Variants in VAT1L observed in about 807,000 individuals in gnomAD.
The protein encoded by VAT1L is vesicle amine transport 1 like, also known as putative NADPH-dependent quinone oxidoreductase VAT1L.
A neutral mutation model predicts 44.1 loss-of-function variants in VAT1L; 34 were observed. The ratio of observed to expected loss-of-function variants is 0.77; its 90% CI spans 0.59 to 1.03. The LOEUF (loss-of-function observed/expected upper bound fraction) is 1.03. Ranked by LOEUF, VAT1L falls within the 50% of genes least tolerant of loss-of-function variation. The probability of loss-of-function intolerance (pLI) is 0.00; values close to 1 mark genes in which losing one functional copy is unlikely to be tolerated. For synonymous variants in VAT1L, 253 were observed against 202.2 expected, an observed-to-expected ratio of 1.25 and a Z score of -2.13; for missense variants, 615 against 538.8, an observed-to-expected ratio of 1.14 and a Z score of -1.40.
intron 3 of VAT1L, among the ~76,000 whole-genome samples, chr16:77,840,353 A>G (rs1258928387): frequency 1.3e-5 from 2 of 152,326 alleles, no homozygotes; most frequent in East Asian, 3.9e-4. Context: ...AACCAAACCT[A>G]TGACCTCTTC....
At chr16:77,850,360 C>G (rs191037675) in intron 3 of VAT1L, among the ~76,000 whole-genome samples, 283 of 152,278 alleles carry the variant, frequency 1.9e-3, no homozygotes, top group Non-Finnish European at 2.4e-3. Flanking sequence ...TTCAGAGTAA[C>G]CAGGTCAAGT....
intron 1 of VAT1L, among the ~76,000 whole-genome samples, chr16:77,796,272 T>C (rs1188498961): frequency 6.6e-6 from 1 of 152,320 alleles, no homozygotes; most frequent in South Asian, 2.1e-4. Flanking sequence ...GTCAGGTAGC[T>C]GATGATGGGC....
intron 4 of VAT1L, among the ~76,000 whole-genome samples, chr16:77,870,425 A>T (rs438362): frequency 0.98 from 149,130 of 152,314 alleles, 73,100 homozygotes; most frequent in East Asian, 1. Flanking sequence ...AAAGAGGAAT[A>T]CTTTTCTTGG....
At chr16:77,875,997 C>G (rs2017083534) in intron 4 of VAT1L, among the ~76,000 whole-genome samples, 1 of 152,202 alleles carries the variant, frequency 6.6e-6, no homozygotes, top group African/African-American at 2.4e-5. Context: ...TTTGTTGCGT[C>G]ATTTCATTCT....
chr16:77,818,441 G>T (rs1275931384), intron 2 of VAT1L, among the ~76,000 whole-genome samples: 20 of 152,100 alleles, frequency 1.3e-4, no homozygotes, highest in Admixed American at 1.3e-3. Flanking sequence ...CCCCAGGTAA[G>T]CAGTGTAACC....
chr16:77,824,862 CTTTTTT>C (rs756573336), intron 2 of VAT1L, among the ~76,000 whole-genome samples: 49 of 75,498 alleles, frequency 6.5e-4, no homozygotes, highest in Non-Finnish European at 7.5e-4. Flanking sequence ...CCCAATAATG[CTTTTTT>C]TTTTTTTTTT....
chr16:77,953,323 A>G (rs1438586382), intron 7 of VAT1L, among the ~76,000 whole-genome samples: 1 of 152,198 alleles, frequency 6.6e-6, no homozygotes, highest in Non-Finnish European at 1.5e-5. Flanking sequence ...AACCCTAGGA[A>G]ACTAATATAC....
chr16:77,837,818 T>C (rs1334961081), intron 3 of VAT1L, among the ~76,000 whole-genome samples: 1 of 152,202 alleles, frequency 6.6e-6, no homozygotes, highest in African/African-American at 2.4e-5. Context: ...AAGGGGGTCT[T>C]GTAATGGACT....
intron 3 of VAT1L, among the ~76,000 whole-genome samples, chr16:77,833,245 C>A (rs10514429): frequency 6.6e-6 from 1 of 152,078 alleles, no homozygotes. Context: ...CATTGATGGG[C>A]GTATAAATCA....
intron 7 of VAT1L, among the ~76,000 whole-genome samples, chr16:77,939,905 T>C (rs1430620003): frequency 6.6e-6 from 1 of 152,128 alleles, no homozygotes; most frequent in Non-Finnish European, 1.5e-5. Context: ...TTAGTCTGCT[T>C]TATATACAAT....
At chr16:77,931,844 G>A (rs1012298059) in intron 7 of VAT1L, among the ~76,000 whole-genome samples, 3 of 152,142 alleles carry the variant, frequency 2.0e-5, no homozygotes, top group African/African-American at 7.2e-5. Context: ...AGTGTTAGGG[G>A]AAAATCACCT....
In VAT1L at chr16:77,904,628, T is replaced by C. The variant is rs559045230; in HGVS notation, c.1077+19826T>C. Among the ~76,000 whole-genome samples the C allele has an allele frequency of 8.8e-4, 134 of 152,298 alleles. 1 individual carries two copies. The highest frequency in any genetic ancestry group is 6.8e-3 in the Middle Eastern group (2 of 294). ...CCTCCATCTCCAAATACTCTAACCA[T>C]TGCATTGGGGTTCAGGGCTTAAACG... On this transcript the variant is annotated intron_variant, in intron 7 of 8. Transcript: ENST00000302536.
At chr16:77,795,964 T>G (rs1267065870) in intron 1 of VAT1L, among the ~76,000 whole-genome samples, 1 of 151,966 alleles carries the variant, frequency 6.6e-6, no homozygotes, top group African/African-American at 2.4e-5. Flanking sequence ...TAGCTGGGAT[T>G]ACAGGTGCCT....
rs930201295 is a variant in VAT1L, at chr16:77,979,828, C to T, written c.*2133C>T. On this transcript the variant is annotated 3_prime_UTR_variant, in exon 9 of 9. Transcript: ENST00000302536. Reference sequence around the variant, plus strand: ...TTTGACCAATAAGACCAATTTCTGCCATGAAGAACCGGGGGACGCAAGTTA... The same window carrying T: ...TTTGACCAATAAGACCAATTTCTGCTATGAAGAACCGGGGGACGCAAGTTA... The T allele has an allele frequency of 6.6e-6, 1 of 152,578 alleles. No individual in the cohort carries two copies. The highest frequency in any genetic ancestry group is 2.4e-5 in the African/African-American group (1 of 41,440). 9.5% of individuals were successfully genotyped at this position (152,578 alleles called of 1,614,324 possible).
At chr16:77,969,747 G>A (rs938149515) in intron 7 of VAT1L, among the ~76,000 whole-genome samples, 4 of 152,102 alleles carry the variant, frequency 2.6e-5, no homozygotes, top group Non-Finnish European at 4.4e-5. Flanking sequence ...GGGGATGACT[G>A]ACAACCATTT....
At position 77,790,642 on chromosome 16, in the gene VAT1L, CA is replaced by C. The variant is rs1431209765; in HGVS notation, c.233+1728del. On this transcript the variant is annotated intron_variant, in intron 1 of 8. Coordinates refer to ENST00000302536, the MANE Select transcript of VAT1L (RefSeq NM_020927.3). Reference sequence around the variant, plus strand: ...ACACCTATGCATATATGTGCATATACATATATACAATTATATATACAGTTGC... The same window carrying C: ...ACACCTATGCATATATGTGCATATACTATATACAATTATATATACAGTTGC... Among the ~76,000 whole-genome samples the C allele has an allele frequency of 3.9e-5, 6 of 152,112 alleles. No homozygotes were observed. The East Asian group carries it at 1.2e-3, about 29-fold the overall frequency.
At chr16:77,849,157 T>C (rs555204920) in intron 3 of VAT1L, among the ~76,000 whole-genome samples, 128 of 152,246 alleles carry the variant, frequency 8.4e-4, no homozygotes, top group African/African-American at 2.9e-3. Context: ...ACCTGCACAT[T>C]CTGCACATGT....
chr16:77,938,913 A>G (rs2017839407), intron 7 of VAT1L, among the ~76,000 whole-genome samples: 1 of 152,176 alleles, frequency 6.6e-6, no homozygotes, highest in South Asian at 2.1e-4. Context: ...GGCAGATAAA[A>G]GGGGAAACAG....
chr16:77,975,687 G>C (rs1567528064), intron 8 of VAT1L, among the ~76,000 whole-genome samples: 1 of 152,210 alleles, frequency 6.6e-6, no homozygotes. Flanking sequence ...ACTAAGAGTG[G>C]AGTCTCTCCT....
Sources: gnomAD v4.1 joint callset for allele counts (sites outside exome capture counted in the v4.1 genomes callset) on GRCh38, gnomAD v4.1.1 for gene constraint, MANE v1.5 for transcripts, NCBI Gene and HGNC (gene_info 2026-07-23, HGNC 2026-07-21) for gene names.